SCRG1: variants seen among roughly 807,000 people sequenced by gnomAD.
The protein encoded by SCRG1 is scrapie-responsive protein 1.
In SCRG1, 3 loss-of-function variants were observed where a neutral mutation model predicts 7.7. The ratio of observed to expected loss-of-function variants is 0.39; its 90% CI spans 0.18 to 1.01. SCRG1 has a LOEUF of 1.01. Ranked by LOEUF, SCRG1 falls within the 50% of genes least tolerant of loss-of-function variation. SCRG1 has a pLI of 0.36. For synonymous variants in SCRG1, 46 were observed against 41.2 expected (o/e 1.12, Z -0.44); for missense variants, 110 against 117.2 (o/e 0.94, Z 0.28).
chr4:173,439,854 T>G, the SCRG1 span, among the ~76,000 whole-genome samples: 3 of 152,214 alleles, frequency 2.0e-5, no homozygotes, highest in Non-Finnish European at 4.4e-5. Context: ...TTAATGATTC[T>G]TCCTTCTTTG....
chr4:173,451,559 C>T, the SCRG1 span, among the ~76,000 whole-genome samples: 4 of 151,734 alleles, frequency 2.6e-5, no homozygotes, highest in Admixed American at 2.0e-4. Flanking sequence ...TCTCTAATGG[C>T]CTACTAAAAT....
chr4:173,398,873 T>C (rs1739675940), intron 1 of SCRG1, among the ~76,000 whole-genome samples, 195 bp downstream of exon 1: 1 of 152,218 alleles, frequency 6.6e-6, no homozygotes. Context: ...CATTTTCTGT[T>C]CTTTTTTAAT....
At chr4:173,486,471 CTT>C in the SCRG1 span, among the ~76,000 whole-genome samples, 2 of 152,104 alleles carry the variant, frequency 1.3e-5, no homozygotes, top group Non-Finnish European at 2.9e-5. Context: ...TGTTAACCTC[CTT>C]TTAAACTTTC....
At chr4:173,468,693 G>T in the SCRG1 span, 1 of 152,166 alleles carries the variant, frequency 6.6e-6, no homozygotes, top group Admixed American at 6.5e-5. Flanking sequence ...GCATTAGAAA[G>T]AAATTTTGCA....
At chr4:173,485,123 A>T in the SCRG1 span, among the ~76,000 whole-genome samples, 1 of 52,188 alleles carries the variant, frequency 1.9e-5, no homozygotes, top group South Asian at 6.5e-4. Flanking sequence ...ATAATATATA[A>T]TATATCATAT....
the SCRG1 span, among the ~76,000 whole-genome samples, chr4:173,493,426 T>G: frequency 1.3e-5 from 2 of 152,088 alleles, no homozygotes; most frequent in Non-Finnish European, 2.9e-5. Context: ...TTAAAGAATT[T>G]AGGAGCACTT....
At chr4:173,427,518 G>A in the SCRG1 span, among the ~76,000 whole-genome samples, 1,360 of 152,296 alleles carry the variant, frequency 8.9e-3, 23 homozygotes, top group African/African-American at 0.03. Context: ...AGTCCAATGC[G>A]AATGCCGTGA....
Position 173,391,175 on chromosome 4 carries a change from T to G in SCRG1, c.240A>C (p.Pro80=), listed in dbSNP as rs751748002. ...YCNFSELLCC[P]KDVFFGPKIS... is the part of the protein sequence containing the mutation. ...ACTTTGTGATACCATTTCCTTACTT[T>G]GGGCAGCAGAGCAATTCGCTGAAGT... Residue 80 remains proline (P), a splice_region_variant and synonymous_variant, in exon 2 of 3, where the codon CCA becomes CCC. Transcript: ENST00000296506. The G allele has an allele frequency of 1.4e-5, 23 of 1,613,902 alleles. No individual in the cohort carries two copies. Among genetic ancestry groups the G allele is most frequent in the Non-Finnish European group, 1.9e-5 (22 of 1,179,974 alleles).
chr4:173,414,202 A>C, the SCRG1 span, among the ~76,000 whole-genome samples: 1 of 152,194 alleles, frequency 6.6e-6, no homozygotes, highest in Admixed American at 6.5e-5. Context: ...CTGTATTGCC[A>C]TCCTGTGAGG....
intron 1 of SCRG1, among the ~76,000 whole-genome samples, chr4:173,394,210 G>T (rs28757390): frequency 6.6e-6 from 1 of 151,680 alleles, no homozygotes; most frequent in South Asian, 2.1e-4. Context: ...CCCCTGCCTT[G>T]TCTTCCTTTG....
the SCRG1 span, among the ~76,000 whole-genome samples, chr4:173,484,668 A>G: frequency 2.9e-3 from 165 of 57,590 alleles, 1 homozygote; most frequent in African/African-American, 0.012. Flanking sequence ...ATTATATATA[A>G]CATGATGTAT....
upstream of SCRG1, among the ~76,000 whole-genome samples, chr4:173,402,825 A>C (rs1010654806): frequency 2.0e-5 from 3 of 152,156 alleles, no homozygotes; most frequent in African/African-American, 7.2e-5. Context: ...GACTTTTTTT[A>C]TGTGAGTATC....
At chr4:173,421,956 A>T in the SCRG1 span, among the ~76,000 whole-genome samples, 1 of 152,240 alleles carries the variant, frequency 6.6e-6, no homozygotes, top group Non-Finnish European at 1.5e-5. Context: ...CACATAATAT[A>T]TAAATTGCAA....
chr4:173,392,777 T>C (rs1479358286), intron 1 of SCRG1, among the ~76,000 whole-genome samples: 1 of 152,154 alleles, frequency 6.6e-6, no homozygotes, highest in East Asian at 1.9e-4. Context: ...ATGGAGGACA[T>C]TGTACTTGGA....
chr4:173,493,057 A>T, the SCRG1 span, among the ~76,000 whole-genome samples: 1 of 152,086 alleles, frequency 6.6e-6, no homozygotes. Context: ...CTCACTCAAG[A>T]TGGGAAGTCT....
the SCRG1 span, among the ~76,000 whole-genome samples, chr4:173,482,948 A>G: frequency 7.4e-6 from 1 of 135,910 alleles, no homozygotes; most frequent in Non-Finnish European, 1.5e-5. Flanking sequence ...TGAAATATAT[A>G]ATATATTGTA....
the SCRG1 span, among the ~76,000 whole-genome samples, chr4:173,489,554 G>A: frequency 1.3e-5 from 2 of 151,372 alleles, no homozygotes; most frequent in African/African-American, 4.9e-5. Context: ...GGTTTTACAA[G>A]CAATACAATC....
At chr4:173,493,053 C>T in the SCRG1 span, among the ~76,000 whole-genome samples, 1 of 152,152 alleles carries the variant, frequency 6.6e-6, no homozygotes, top group Non-Finnish European at 1.5e-5. Context: ...GAATCTCACT[C>T]AAGATGGGAA....
upstream of SCRG1, among the ~76,000 whole-genome samples, chr4:173,408,297 C>A (rs892124505): frequency 6.6e-6 from 1 of 152,160 alleles, no homozygotes; most frequent in African/African-American, 2.4e-5. Context: ...TGTCTTCTAT[C>A]AAATGACAAT....
Sources: gnomAD v4.1 joint callset for allele counts (sites outside exome capture counted in the v4.1 genomes callset) on GRCh38, gnomAD v4.1.1 for gene constraint, MANE v1.5 for transcripts, NCBI Gene and HGNC (gene_info 2026-07-23, HGNC 2026-07-21) for gene names.